The following BCOR variants were observed in gnomAD, a reference collection of about 807,000 sequenced individuals.
BCOR encodes BCL-6 corepressor.
A neutral mutation model predicts 86.7 loss-of-function variants in BCOR; 10 were observed. The ratio of observed to expected loss-of-function variants is 0.12; its 90% CI spans 0.07 to 0.20. BCOR has a LOEUF of 0.20. Ranked by LOEUF, BCOR falls within the 10% of genes least tolerant of loss-of-function variation. The pLI, the probability that BCOR is intolerant of heterozygous loss-of-function variation, is 1.00. For missense variants in BCOR, 1,259 were observed against 1,452.1 expected (o/e 0.87, Z 2.16); for synonymous variants, 611 against 609.0 (o/e 1.00, Z -0.05).
intron 1 of BCOR, among the ~76,000 whole-genome samples, chrX:40,125,227 A>G (rs1937524964): frequency 9.0e-6 from 1 of 110,728 alleles, no homozygotes; most frequent in Non-Finnish European, 1.9e-5. Context: ...TGCCTGGAGA[A>G]GGTGGTTGAT....
intron 1 of BCOR, among the ~76,000 whole-genome samples, chrX:40,113,764 A>T (rs186592618): frequency 7.7e-4 from 86 of 112,000 alleles, no homozygotes; most frequent in African/African-American, 2.7e-3. Flanking sequence ...GATGAAAAAA[A>T]AATCTGATAA....
At position 40,074,110 on chromosome X, in the gene BCOR, C is replaced by A. The variant is rs1392691539; in HGVS notation, c.1236G>T (p.Lys412Asn). ...CATCTTTTCTGTCTTGAACCGCTGT[C>A]TTCCGGGCATGCCCGGGCACTGGCT... ...GAQPVPGHARKTAVQDRKDGS... is the reference protein window; with the variant it reads ...GAQPVPGHARNTAVQDRKDGS... Residue 412 changes from lysine to asparagine, a missense_variant, in exon 4 of 15, where the codon AAG becomes AAT. By Grantham distance (94) the Lys-to-Asn change is moderately conservative. Around this residue, in one of 7 missense-constraint regions of BCOR, gnomAD observed 534 missense variants for 594.8 expected, o/e 0.90. Coordinates refer to ENST00000378444, the MANE Select transcript of BCOR (RefSeq NM_001123385.2). The A allele has an allele frequency of 8.3e-7, 1 of 1,211,106 alleles. No individual in the cohort carries two copies. The highest frequency in any genetic ancestry group is 1.7e-5 in the African/African-American group (1 of 57,591).
rs1205113048 is a variant in BCOR, at chrX:40,052,342, T to C, written c.5035A>G (p.Ile1679Val). 2 of 1,210,060 alleles carry C rather than the reference T, an allele frequency of 1.7e-6. No homozygotes were observed. Among genetic ancestry groups the C allele is most frequent in the African/African-American group, 1.7e-5 (1 of 57,219 alleles). Residue 1679 changes from isoleucine to valine, a missense_variant, in exon 15 of 15, where the codon ATA becomes GTA. This residue lies in a region of BCOR where 137 missense variants were observed against 149.8 expected (regional missense o/e 0.91). Coordinates refer to ENST00000378444, the MANE Select transcript of BCOR (RefSeq NM_001123385.2). ...VLKKLKMSSR[I>V]FRCNFPNVEI... Reference sequence around the variant, plus strand: ...ACGTTTGGAAAATTGCAGCGAAATATGCGGGAGGACATTTTCAATTTCTTA... The same window carrying C: ...ACGTTTGGAAAATTGCAGCGAAATACGCGGGAGGACATTTTCAATTTCTTA...
intron 9 of BCOR, among the ~76,000 whole-genome samples, 162 bp downstream of exon 9, chrX:40,062,584 T>G (rs1934946419): frequency 9.1e-6 from 1 of 109,762 alleles, no homozygotes; most frequent in African/African-American, 3.3e-5. Context: ...AGTTTGAAAC[T>G]TCGCTGCCAC....
intron 1 of BCOR, among the ~76,000 whole-genome samples, chrX:40,115,043 G>C (rs1044864847): frequency 1.8e-4 from 20 of 109,693 alleles, no homozygotes; most frequent in South Asian, 3.9e-4. Flanking sequence ...TAGTAGAGAC[G>C]GGGTTTCATT....
intron 1 of BCOR, among the ~76,000 whole-genome samples, chrX:40,133,559 A>C (rs1335287984): frequency 9.1e-6 from 1 of 109,350 alleles, no homozygotes; most frequent in African/African-American, 3.3e-5. Flanking sequence ...TCCCGGGTTC[A>C]TGCCATTCTC....
intron 1 of BCOR, among the ~76,000 whole-genome samples, chrX:40,115,450 G>A (rs1937378623): frequency 9.0e-6 from 1 of 110,817 alleles, no homozygotes; most frequent in Non-Finnish European, 1.9e-5. Context: ...TCTGAATGAA[G>A]AGTTGCCTTC....
intron 1 of BCOR, among the ~76,000 whole-genome samples, chrX:40,136,547 T>G (rs1937685548): frequency 8.9e-6 from 1 of 112,070 alleles, no homozygotes; most frequent in South Asian, 3.7e-4. Flanking sequence ...GAGTATTTAT[T>G]ACAACCTGCA....
chrX:40,160,942 T>C (rs1938404088), intron 1 of BCOR, among the ~76,000 whole-genome samples: 1 of 107,423 alleles, frequency 9.3e-6, no homozygotes, highest in Non-Finnish European at 1.9e-5. Context: ...CCTAAAGTGT[T>C]GGGATTACAG....
rs1272387574 is a variant in BCOR, at chrX:40,052,000, G to T, written c.*109C>A. The T allele has an allele frequency of 2.8e-6, 2 of 711,350 alleles. No homozygotes were observed. Among genetic ancestry groups the T allele is most frequent in the Non-Finnish European group, 3.9e-6 (2 of 511,299 alleles). The allele number at this position is 711,350 out of a possible 1,213,427, so 58.6% of individuals were successfully genotyped here. ...AGTAATTTCTCTTATATAAAGAAGA[G>T]ATATTTTCATATGTAATAGTGTCCT... On this transcript the variant is annotated 3_prime_UTR_variant, in exon 15 of 15. Transcript: ENST00000378444.
At position 40,169,673 on chromosome X, in the gene BCOR, C is replaced by T. The variant is rs142909306; in HGVS notation, c.-41+7334G>A. Among the ~76,000 whole-genome samples the T allele has an allele frequency of 7.3e-3, 806 of 111,122 alleles. 6 individuals are homozygous for T. The highest frequency in any genetic ancestry group is 0.025 in the African/African-American group (769 of 30,516). On this transcript the variant is annotated intron_variant, in intron 1 of 14. Transcript: ENST00000342274. ...ATAGGACAATCCCCCCCCTACTGGTCGGAGCTGGCGTTGGGGCTTTTTACG... is the reference window on the plus strand; with the variant it reads ...ATAGGACAATCCCCCCCCTACTGGTTGGAGCTGGCGTTGGGGCTTTTTACG...
At chrX:40,101,879 A>C (rs1937080546), upstream of BCOR, among the ~76,000 whole-genome samples, 1 of 112,730 alleles carries the variant, frequency 8.9e-6, no homozygotes, top group African/African-American at 3.2e-5. Flanking sequence ...ATGAGTACAG[A>C]TAATGTATTT....
intron 1 of BCOR, among the ~76,000 whole-genome samples, chrX:40,139,497 A>ATATATATATATATATAT: frequency 1.8e-4 from 1 of 5,709 alleles, no homozygotes; most frequent in East Asian, 6.1e-3. Flanking sequence ...ATATATATAT[A>ATATATATATATATATAT]TTTTTTTTTT....
intron 1 of BCOR, among the ~76,000 whole-genome samples, chrX:40,090,773 TTTTA>T (rs1936574870): frequency 8.9e-6 from 1 of 111,786 alleles, no homozygotes; most frequent in Non-Finnish European, 1.9e-5. Context: ...GACGGGCTGC[TTTTA>T]TTTATTTTTT....
At chrX:40,120,160 C>T (rs909647877) in intron 1 of BCOR, among the ~76,000 whole-genome samples, 4 of 111,197 alleles carry the variant, frequency 3.6e-5, no homozygotes, top group African/African-American at 9.8e-5. Context: ...AGAGTGAAAG[C>T]GTGGAGTTGG....
intron 10 of BCOR, among the ~76,000 whole-genome samples, chrX:40,060,111 A>G (rs1465721870): frequency 5.3e-5 from 6 of 112,222 alleles, no homozygotes; most frequent in Non-Finnish European, 1.1e-4. Context: ...TTCATACCGT[A>G]CCTTATCCTG....
chrX:40,142,058 C>T (rs937283919), intron 1 of BCOR, among the ~76,000 whole-genome samples: 8 of 112,556 alleles, frequency 7.1e-5, no homozygotes, highest in Admixed American at 2.8e-4. Context: ...CTTCCCTGCT[C>T]AGTCCTTTGA....
At chrX:40,077,801 G>C (rs763481284) in intron 2 of BCOR, 43 bp downstream of exon 2, 6 of 1,144,491 alleles carry the variant, frequency 5.2e-6, no homozygotes, top group Non-Finnish European at 7.2e-6. Context: ...CTTCAGCATG[G>C]GCGTGGGCTC....
At chrX:40,100,046 T>A (rs1937042269), upstream of BCOR, among the ~76,000 whole-genome samples, 1 of 112,377 alleles carries the variant, frequency 8.9e-6, no homozygotes, top group Non-Finnish European at 1.9e-5. Flanking sequence ...TGGACTATTA[T>A]GCTGTAAAAC....
Sources: gnomAD v4.1 joint callset for allele counts (sites outside exome capture counted in the v4.1 genomes callset) on GRCh38, gnomAD v4.1.1 for gene constraint, gnomAD v4.1.1 regional missense constraint, MANE v1.5 for transcripts, NCBI Gene and HGNC (gene_info 2026-07-23, HGNC 2026-07-21) for gene names.